LRP1B: variants seen among roughly 807,000 people sequenced by gnomAD.
LRP1B encodes low-density lipoprotein receptor-related protein 1B.
LRP1B carries 217 observed loss-of-function variants against 556.6 expected under a neutral mutation model. The ratio of observed to expected loss-of-function variants is 0.39; its 90% confidence interval spans 0.35 to 0.44. LRP1B has a LOEUF of 0.44. LRP1B is among the 20% of genes least tolerant of loss of function. LRP1B has a pLI of 1.00. For synonymous variants in LRP1B, 2,047 were observed against 1,865.8 expected (o/e 1.10, Z -2.50); for missense variants, 5,053 against 5,620.8 (o/e 0.90, Z 3.23).
chr2:140,393,423 T>A (rs1246703067), intron 66 of LRP1B, among the ~76,000 whole-genome samples: 1 of 151,894 alleles, frequency 6.6e-6, no homozygotes, highest in Non-Finnish European at 1.5e-5. Flanking sequence ...CCAGAAAAAT[T>A]GTTTCGTTCC....
At chr2:141,326,391 A>G (rs1687430863) in intron 3 of LRP1B, among the ~76,000 whole-genome samples, 1 of 152,178 alleles carries the variant, frequency 6.6e-6, no homozygotes, top group Non-Finnish European at 1.5e-5. Flanking sequence ...ATTATAATCT[A>G]AAATAATATT....
chr2:140,588,369 A>G (rs1168771873), intron 43 of LRP1B, among the ~76,000 whole-genome samples: 4 of 152,204 alleles, frequency 2.6e-5, no homozygotes, highest in Non-Finnish European at 4.4e-5. Context: ...TTGTAGACTG[A>G]TAAGTAATGA....
At chr2:140,311,676 AAAG>A (rs1485322007) in intron 83 of LRP1B, among the ~76,000 whole-genome samples, 1 of 151,930 alleles carries the variant, frequency 6.6e-6, no homozygotes, top group Non-Finnish European at 1.5e-5. Context: ...ACAAATAAAA[AAAG>A]CCCAAAAAAG....
intron 3 of LRP1B, among the ~76,000 whole-genome samples, chr2:141,265,452 C>A (rs146818616): frequency 1.9e-4 from 29 of 152,150 alleles, no homozygotes; most frequent in African/African-American, 7.0e-4. Flanking sequence ...GAGGATTCTG[C>A]GCTAGAACTG....
At chr2:140,922,923 C>T (rs1205719917) in intron 21 of LRP1B, 42 bp downstream of exon 21, 2 of 1,574,322 alleles carry the variant, frequency 1.3e-6, no homozygotes, top group African/African-American at 2.7e-5. Flanking sequence ...GGACTCCACA[C>T]TCAGGGAGAC....
At position 140,601,435 on chromosome 2, in the gene LRP1B, T is replaced by C. The variant is rs1682667678; in HGVS notation, c.6989+15A>G. On this transcript the variant is annotated intron_variant, in intron 42 of 90. Transcript: ENST00000389484. ...TATAACTATAATGAAGAAATAAAAC[T>C]ACACTGTTTCTTACTTTTGACATTC... 1 of 1,569,266 alleles carries C rather than the reference T, an allele frequency of 6.4e-7. No homozygotes were observed. The highest frequency in any genetic ancestry group is 8.7e-7 in the Non-Finnish European group (1 of 1,150,260).
rs144832365 is a variant in LRP1B, at chr2:140,497,640, T to A, written c.8851-1892A>T. 2.6e-3 allele frequency among the ~76,000 whole-genome samples: 389 copies of A among 151,998 alleles called. 1 individual carries two copies. Among genetic ancestry groups the A allele is most frequent in the African/African-American group, 8.8e-3 (367 of 41,532 alleles). On this transcript the variant is annotated intron_variant, in intron 55 of 90. Transcript: ENST00000389484. ...TTAGTAGATACAGAGCAGTGTTGAA[T>A]CAAGAGTCACTTTAGGACAAATGAA...
chr2:142,077,325 T>G (rs2104923329), intron 1 of LRP1B, among the ~76,000 whole-genome samples: 1 of 152,258 alleles, frequency 6.6e-6, no homozygotes, highest in South Asian at 2.1e-4. Flanking sequence ...AAATCATTCA[T>G]TCATTCTTTG....
At chr2:141,882,942 C>T (rs1435589) in intron 1 of LRP1B, among the ~76,000 whole-genome samples, 132,627 of 152,192 alleles carry the variant, frequency 0.87, 57,885 homozygotes, top group East Asian at 1. Flanking sequence ...AGGTGGCAAA[C>T]GTATGTTGGC....
chr2:140,297,660 A>C, intron 84 of LRP1B, 148 bp downstream of exon 84: 2 of 835,380 alleles, frequency 2.4e-6, no homozygotes. Flanking sequence ...AGAAAGGTGA[A>C]GAATGGGTAA....
intron 1 of LRP1B, among the ~76,000 whole-genome samples, chr2:141,932,117 G>C (rs1380512946): frequency 6.6e-6 from 1 of 151,916 alleles, no homozygotes; most frequent in Non-Finnish European, 1.5e-5. Flanking sequence ...ATGAGCAAAA[G>C]ATAAAGTGAG....
At chr2:141,713,793 T>C (rs1015582028) in intron 2 of LRP1B, among the ~76,000 whole-genome samples, 6 of 152,182 alleles carry the variant, frequency 3.9e-5, no homozygotes, top group Non-Finnish European at 5.9e-5. Context: ...CTTTGGAAAA[T>C]ATTTGTAATT....
intron 31 of LRP1B, among the ~76,000 whole-genome samples, chr2:140,823,892 C>T (rs1200327434): frequency 6.6e-6 from 1 of 151,936 alleles, no homozygotes; most frequent in Admixed American, 6.6e-5. Context: ...GATGTGAACT[C>T]ATGACCACAA....
intron 2 of LRP1B, among the ~76,000 whole-genome samples, chr2:141,638,351 C>T (rs991145139): frequency 2.6e-5 from 4 of 151,978 alleles, no homozygotes; most frequent in African/African-American, 7.2e-5. Context: ...GTGTATAGCC[C>T]GCAGAACTGT....
At chr2:141,297,883 G>C (rs75814369) in intron 3 of LRP1B, among the ~76,000 whole-genome samples, 1 of 152,046 alleles carries the variant, frequency 6.6e-6, no homozygotes, top group East Asian at 1.9e-4. Context: ...ATGCTGTATA[G>C]GTTTGTCACC....
chr2:140,961,859 T>C (rs1270371407), intron 18 of LRP1B, among the ~76,000 whole-genome samples: 2 of 152,110 alleles, frequency 1.3e-5, no homozygotes, highest in African/African-American at 2.4e-5. Context: ...AACCAAGAAA[T>C]GGCACTTAAA....
chr2:140,475,565 A>T (rs1291716642), intron 59 of LRP1B, among the ~76,000 whole-genome samples: 1 of 151,038 alleles, frequency 6.6e-6, no homozygotes, highest in African/African-American at 2.4e-5. Context: ...ATTTTAGAAC[A>T]CAAACTCATA....
chr2:140,714,517 C>A (rs1687143966), intron 37 of LRP1B, among the ~76,000 whole-genome samples: 1 of 151,988 alleles, frequency 6.6e-6, no homozygotes, highest in African/African-American at 2.4e-5. Flanking sequence ...CAGCAAAAGG[C>A]TTGTTAAATT....
intron 3 of LRP1B, among the ~76,000 whole-genome samples, chr2:141,463,678 C>T (rs1259918779): frequency 7.5e-6 from 1 of 132,714 alleles, no homozygotes; most frequent in Non-Finnish European, 1.6e-5. Flanking sequence ...AAATTATTTG[C>T]TAATAAGTGG....
Sources: allele counts gnomAD v4.1 joint callset (sites outside exome capture counted in the v4.1 genomes callset), GRCh38; gene constraint gnomAD v4.1.1; transcripts MANE v1.5; gene names NCBI Gene and HGNC (gene_info 2026-07-23, HGNC 2026-07-21).